PPM1H: variants seen among roughly 807,000 people sequenced by gnomAD.
PPM1H encodes protein phosphatase, Mg2+/Mn2+ dependent 1H.
In PPM1H, 27 loss-of-function variants were observed where a neutral mutation model predicts 54.9. The observed-to-expected ratio is 0.49, with a 90% CI of 0.36 to 0.68. The LOEUF (loss-of-function observed/expected upper bound fraction) is 0.68. PPM1H is among the 30% of genes least tolerant of loss of function. The pLI, the probability that PPM1H is intolerant of heterozygous loss-of-function variation, is 0.00. For synonymous variants in PPM1H, 305 were observed against 270.8 expected (o/e 1.13, Z -1.24); for missense variants, 596 against 667.8 (o/e 0.89, Z 1.19).
chr12:62,915,562 C>G (rs1310588912), intron 1 of PPM1H, among the ~76,000 whole-genome samples: 1 of 152,200 alleles, frequency 6.6e-6, no homozygotes, highest in Non-Finnish European at 1.5e-5. Context: ...CAGGTTTTAC[C>G]TGAGAAGGAA....
intron 2 of PPM1H, among the ~76,000 whole-genome samples, chr12:62,821,832 G>T (rs1416066797): frequency 6.6e-6 from 1 of 152,218 alleles, no homozygotes; most frequent in Admixed American, 6.5e-5. Flanking sequence ...GACCTTCGGT[G>T]CTAGGAAGAA....
intron 1 of PPM1H, among the ~76,000 whole-genome samples, chr12:62,897,234 G>A (rs757036986): frequency 2.0e-5 from 3 of 151,618 alleles, no homozygotes; most frequent in Non-Finnish European, 4.4e-5. Flanking sequence ...ATGTACCCTA[G>A]AACTTAAAGT....
chr12:62,687,277 TG>T (rs2136634715), intron 8 of PPM1H, among the ~76,000 whole-genome samples: 1 of 152,282 alleles, frequency 6.6e-6, no homozygotes, highest in South Asian at 2.1e-4. Flanking sequence ...TTATTACTAT[TG>T]TTTTTTTGAG....
chr12:62,773,840 A>T (rs879362832), intron 4 of PPM1H, among the ~76,000 whole-genome samples: 11 of 152,202 alleles, frequency 7.2e-5, no homozygotes, highest in Non-Finnish European at 1.5e-5. Flanking sequence ...AAACTGCTGA[A>T]GCACAGCTCT....
At chr12:62,649,480 T>G (rs113641100) in intron 9 of PPM1H, among the ~76,000 whole-genome samples, 5,761 of 152,146 alleles carry the variant, frequency 0.038, 154 homozygotes, top group Non-Finnish European at 0.054. Context: ...CCCTGAGGCA[T>G]AAAAAAATGA....
intron 6 of PPM1H, among the ~76,000 whole-genome samples, chr12:62,696,288 C>A (rs2076114685): frequency 6.6e-6 from 1 of 152,138 alleles, no homozygotes; most frequent in African/African-American, 2.4e-5. Flanking sequence ...CAGGACCAAA[C>A]CAAATGCAAA....
intron 1 of PPM1H, among the ~76,000 whole-genome samples, chr12:62,883,644 G>A (rs1470093365): frequency 6.6e-6 from 1 of 152,156 alleles, no homozygotes; most frequent in African/African-American, 2.4e-5. Context: ...CATACTAGAA[G>A]CAAGAAAGCC....
intron 4 of PPM1H, among the ~76,000 whole-genome samples, chr12:62,740,712 T>C (rs998884468): frequency 6.6e-6 from 1 of 152,226 alleles, no homozygotes; most frequent in African/African-American, 2.4e-5. Context: ...GCCAGGCCAT[T>C]GTAGGCAGGG....
At chr12:62,871,647 T>TTA (rs1014022205) in intron 1 of PPM1H, among the ~76,000 whole-genome samples, 2 of 151,820 alleles carry the variant, frequency 1.3e-5, no homozygotes, top group African/African-American at 4.8e-5. Flanking sequence ...CCCAAGTAGC[T>TTA]GGGACTACAG....
chr12:62,708,436 T>G (rs2120413550), intron 6 of PPM1H, among the ~76,000 whole-genome samples: 1 of 152,284 alleles, frequency 6.6e-6, no homozygotes, highest in East Asian at 1.9e-4. Context: ...AAACCAGCTG[T>G]GCCAATTTCC....
At chr12:62,832,348 G>A in intron 1 of PPM1H, 69 bp from the exon 2 acceptor site, 1 of 1,466,104 alleles carries the variant, frequency 6.8e-7, no homozygotes. Context: ...CTTGTCAAGG[G>A]TCAGCCAAGA....
At chr12:62,879,940 T>C (rs1018993810) in intron 1 of PPM1H, among the ~76,000 whole-genome samples, 2 of 152,146 alleles carry the variant, frequency 1.3e-5, no homozygotes, top group Non-Finnish European at 2.9e-5. Context: ...GTAGACAGCC[T>C]GGATTAGACA....
chr12:62,877,908 T>C (rs1050407641), intron 1 of PPM1H, among the ~76,000 whole-genome samples: 7 of 152,218 alleles, frequency 4.6e-5, no homozygotes, highest in African/African-American at 1.7e-4. Flanking sequence ...CTTTATTTTT[T>C]CTTTTTTGAG....
chr12:62,776,738 C>G (rs1304067442), intron 4 of PPM1H, among the ~76,000 whole-genome samples: 3 of 152,188 alleles, frequency 2.0e-5, no homozygotes, highest in Non-Finnish European at 2.9e-5. Flanking sequence ...GGCTCACTTC[C>G]AAGGGCTGAC....
intron 1 of PPM1H, among the ~76,000 whole-genome samples, chr12:62,842,219 G>A (rs918764182): frequency 2.0e-5 from 3 of 152,078 alleles, no homozygotes; most frequent in Admixed American, 2.0e-4. Context: ...ATAGCTATTT[G>A]CATCTGTTGG....
At chr12:62,751,267 CT>C (rs2076440904) in intron 4 of PPM1H, among the ~76,000 whole-genome samples, 2 of 152,132 alleles carry the variant, frequency 1.3e-5, no homozygotes, top group Admixed American at 1.3e-4. Flanking sequence ...GACCTCTTTA[CT>C]TAAAAAACAG....
At chr12:62,773,228 A>AC (rs2076589840) in intron 4 of PPM1H, among the ~76,000 whole-genome samples, 1 of 152,198 alleles carries the variant, frequency 6.6e-6, no homozygotes, top group Non-Finnish European at 1.5e-5. Flanking sequence ...TAATTCCAGC[A>AC]CTTTGGAAGG....
At chr12:62,843,490 A>T (rs12296955) in intron 1 of PPM1H, among the ~76,000 whole-genome samples, 1 of 152,212 alleles carries the variant, frequency 6.6e-6, no homozygotes. Flanking sequence ...AGCCATTCTG[A>T]TATCTTCTTA....
At chr12:62,834,380 G>T (rs1396058969) in intron 1 of PPM1H, among the ~76,000 whole-genome samples, 2 of 152,154 alleles carry the variant, frequency 1.3e-5, no homozygotes, top group Non-Finnish European at 2.9e-5. Flanking sequence ...TAATCCTACC[G>T]CATTTACTGC....
Sources: gnomAD v4.1 joint callset for allele counts (sites outside exome capture counted in the v4.1 genomes callset) on GRCh38, gnomAD v4.1.1 for gene constraint, MANE v1.5 for transcripts, NCBI Gene and HGNC (gene_info 2026-07-23, HGNC 2026-07-21) for gene names.